The following DNAJC1 variants were observed in gnomAD, a reference collection of about 807,000 sequenced individuals.
DNAJC1 encodes dnaJ homolog subfamily C member 1.
In DNAJC1, 58 loss-of-function variants were observed where a neutral mutation model predicts 76.6. The ratio of observed to expected loss-of-function variants is 0.76; its 90% CI spans 0.61 to 0.94. DNAJC1 has a LOEUF of 0.94. Ranked by LOEUF, DNAJC1 falls within the 40% of genes least tolerant of loss-of-function variation. The pLI is 0.00. For synonymous variants in DNAJC1, 258 were observed against 267.9 expected, an observed-to-expected ratio of 0.96 and a Z score of 0.36; for missense variants, 689 against 677.3, an observed-to-expected ratio of 1.02 and a Z score of -0.19.
intron 6 of DNAJC1, among the ~76,000 whole-genome samples, chr10:21,905,651 C>T (rs563781117): frequency 3.9e-4 from 59 of 152,144 alleles, no homozygotes; most frequent in Non-Finnish European, 6.2e-4. Flanking sequence ...ATGTTATATT[C>T]TCTTCCAGAT....
intron 1 of DNAJC1, among the ~76,000 whole-genome samples, chr10:21,980,677 T>C (rs1171671463): frequency 1.3e-5 from 2 of 152,154 alleles, no homozygotes; most frequent in African/African-American, 4.8e-5. Flanking sequence ...CTGGTTTTTA[T>C]CAATTTATTA....
chr10:21,861,927 AT>A (rs1835921643), intron 8 of DNAJC1, among the ~76,000 whole-genome samples: 1 of 151,460 alleles, frequency 6.6e-6, no homozygotes, highest in Non-Finnish European at 1.5e-5. Context: ...TTATTTATTT[AT>A]TTATTTTGAG....
Position 21,953,821 on chromosome 10 carries a change from TAAAAAAAAAAA to T in DNAJC1, c.223-24691_223-24681del, listed in dbSNP as rs779370823. 4.0e-4 allele frequency among the ~76,000 whole-genome samples: 34 copies of T among 84,940 alleles called. No homozygotes were observed. The East Asian group carries it at 9.2e-3, about 23-fold the overall frequency. The allele number at this position is 84,940 out of a possible 152,430, so 55.7% of individuals were successfully genotyped here. On this transcript the variant is annotated intron_variant, in intron 1 of 11. Coordinates refer to ENST00000376980, the MANE Select transcript of DNAJC1 (RefSeq NM_022365.4). The stretch of plus-strand genomic sequence containing the variant: ...GTGGTAAAAAACTAAAACTGAACTT[TAAAAAAAAAAA>T]AAAAAAAAAAAAAGAAGAGGAAAAA...
At position 21,919,767 on chromosome 10, in the gene DNAJC1, T is replaced by G. The variant is rs1754232289; in HGVS notation, c.635+65A>C. The G allele has an allele frequency of 2.7e-6, 3 of 1,105,488 alleles. No homozygotes were observed. The Admixed American group carries it at 6.4e-5, about 24-fold the overall frequency. The allele number at this position is 1,105,488 out of a possible 1,614,324, so 68.5% of individuals were successfully genotyped here. ...ATGTAAATAGACATACATATGAAGTTGAATCATATTAAAGATGTATTTTAA... is the reference window on the plus strand; with the variant it reads ...ATGTAAATAGACATACATATGAAGTGGAATCATATTAAAGATGTATTTTAA... On this transcript the variant is annotated intron_variant, in intron 5 of 11. Transcript: ENST00000376980.
intron 8 of DNAJC1, among the ~76,000 whole-genome samples, chr10:21,835,486 T>C (rs979359684): frequency 7.9e-5 from 12 of 152,150 alleles, no homozygotes; most frequent in Non-Finnish European, 1.8e-4. Context: ...AGAATGACTT[T>C]GATGAGTTGA....
intron 3 of DNAJC1, 107 bp from the exon 4 acceptor site, chr10:21,921,070 T>C (rs1239944986): frequency 2.2e-5 from 22 of 981,202 alleles, no homozygotes; most frequent in Non-Finnish European, 3.2e-5. Context: ...TTATCCAAAA[T>C]AGATAATGTT....
chr10:21,770,395 CTTTTTTTTTT>C (rs34881959), intron 9 of DNAJC1, among the ~76,000 whole-genome samples: 1 of 107,568 alleles, frequency 9.3e-6, no homozygotes, highest in Non-Finnish European at 1.8e-5. Context: ...TTTTTTTCTT[CTTTTTTTTTT>C]TTTTTTTTTT....
chr10:21,775,814 G>C (rs1457316881), intron 9 of DNAJC1, among the ~76,000 whole-genome samples: 1 of 152,120 alleles, frequency 6.6e-6, no homozygotes, highest in Admixed American at 6.5e-5. Flanking sequence ...GTTTCACACA[G>C]ATGAGGCCTC....
intron 8 of DNAJC1, among the ~76,000 whole-genome samples, chr10:21,852,092 T>TACACACACAC (rs58289439): frequency 2.7e-5 from 4 of 146,098 alleles, no homozygotes; most frequent in Non-Finnish European, 6.0e-5. Flanking sequence ...AATTGTGAGA[T>TACACACACAC]ACACACACAC....
At chr10:21,772,062 G>C (rs529214933) in intron 9 of DNAJC1, among the ~76,000 whole-genome samples, 2 of 152,258 alleles carry the variant, frequency 1.3e-5, no homozygotes, top group South Asian at 4.1e-4. Context: ...CTCCTGAGGA[G>C]CTGCAACTAC....
At chr10:21,940,210 AG>A (rs1354057951) in intron 1 of DNAJC1, among the ~76,000 whole-genome samples, 1 of 152,174 alleles carries the variant, frequency 6.6e-6, no homozygotes, top group East Asian at 1.9e-4. Context: ...CTAATTTTCC[AG>A]GGCAAATAAA....
rs576697319 is a variant in DNAJC1 at position 21,857,378 on chromosome 10, GT to G, written c.978+24903del. ...ATGTGAAACTAAGCAGGGAAGACAT[GT>G]TTCTTGGAATTTTAGGGCTTTTCCA... On this transcript the variant is annotated intron_variant, in intron 8 of 11. Transcript: ENST00000376980. Among the ~76,000 whole-genome samples, 17 of 152,168 alleles carry G rather than the reference GT, an allele frequency of 1.1e-4. No individual in the cohort carries two copies. In the South Asian group the frequency reaches 3.5e-3, roughly 32 times the overall value.
chr10:21,906,497 G>T (rs1364807344), intron 6 of DNAJC1, among the ~76,000 whole-genome samples: 2 of 152,154 alleles, frequency 1.3e-5, no homozygotes, highest in Non-Finnish European at 2.9e-5. Context: ...AAGAAGAAAA[G>T]GTCAGGAAGG....
chr10:21,814,195 ACTGT>A (rs1835037650), intron 8 of DNAJC1, among the ~76,000 whole-genome samples: 1 of 152,052 alleles, frequency 6.6e-6, no homozygotes, highest in Non-Finnish European at 1.5e-5. Context: ...ACTTCCTTTT[ACTGT>A]CTATTAATAA....
intron 1 of DNAJC1, among the ~76,000 whole-genome samples, chr10:21,956,588 CAT>C (rs1047367200): frequency 2.4e-4 from 36 of 149,748 alleles, no homozygotes; most frequent in East Asian, 9.7e-4. Context: ...CATATATAAA[CAT>C]ATGTATATAA....
At chr10:21,982,312 T>C (rs753920296) in intron 1 of DNAJC1, among the ~76,000 whole-genome samples, 1 of 152,024 alleles carries the variant, frequency 6.6e-6, no homozygotes, top group Non-Finnish European at 1.5e-5. Context: ...GAAGAAAATA[T>C]ATGGGAAAAA....
chr10:21,869,955 G>A (rs985801848), intron 8 of DNAJC1, among the ~76,000 whole-genome samples: 3 of 151,942 alleles, frequency 2.0e-5, no homozygotes, highest in South Asian at 2.1e-4. Context: ...AAAAAAATTC[G>A]TATTTTATAA....
intron 6 of DNAJC1, among the ~76,000 whole-genome samples, chr10:21,907,207 C>T (rs1279653956): frequency 6.6e-6 from 1 of 152,154 alleles, no homozygotes; most frequent in Non-Finnish European, 1.5e-5. Context: ...TCACCCTAAC[C>T]TACTCTACTT....
intron 8 of DNAJC1, among the ~76,000 whole-genome samples, chr10:21,877,313 T>C (rs1564815077): frequency 6.6e-6 from 1 of 151,116 alleles, no homozygotes; most frequent in Non-Finnish European, 1.5e-5. Flanking sequence ...TATATATATA[T>C]TTGAACATAG....
Sources: allele counts gnomAD v4.1 joint callset (sites outside exome capture counted in the v4.1 genomes callset), GRCh38; gene constraint gnomAD v4.1.1; transcripts MANE v1.5; gene names NCBI Gene and HGNC (gene_info 2026-07-23, HGNC 2026-07-21).